Variants in ERICH6 observed in about 807,000 individuals in gnomAD.
ERICH6 encodes glutamate-rich protein 6.
In ERICH6, 71 loss-of-function variants were observed where a neutral mutation model predicts 71.0. The ratio of observed to expected loss-of-function variants is 1.00; its 90% CI spans 0.83 to 1.22. The LOEUF is 1.22. Among genes scored for constraint, ERICH6 ranks in the 50% most tolerant of loss-of-function variants. The pLI is 0.00. For synonymous variants in ERICH6, 262 were observed against 278.4 expected (o/e 0.94, Z 0.59); for missense variants, 808 against 797.2 (o/e 1.01, Z -0.16).
Position 150,682,243 on chromosome 3 carries a change from T to C in ERICH6, c.857A>G (p.Asp286Gly), listed in dbSNP as rs142979002. 9.4e-5 allele frequency: 152 copies of C among 1,613,928 alleles called. No homozygotes were observed. In the African/African-American group the frequency reaches 1.8e-3, roughly 20 times the overall value. ...ATGCCCTTTTGGTTCAGAGGAAACA[T>C]CCACATTAGAAAAAAATGCTCTTAG... ...SDLRAFFSNV[D>G]VSSEPKGHAS... is the part of the protein sequence containing the mutation. Residue 286 changes from aspartate (D) to glycine (G), a missense_variant, in exon 7 of 14, where the codon GAT (aspartate) becomes GGT (glycine). Physicochemically the swap from Asp to Gly is moderately conservative, Grantham distance 94. Around this residue, in one of 3 missense-constraint regions of ERICH6, gnomAD observed 736 missense variants for 712.2 expected, o/e 1.03. Transcript: ENST00000295910.
At chr3:150,695,023 G>A (rs1026444158) in intron 3 of ERICH6, among the ~76,000 whole-genome samples, 2 of 152,120 alleles carry the variant, frequency 1.3e-5, no homozygotes, top group Non-Finnish European at 2.9e-5. Flanking sequence ...TCTTTTACAA[G>A]GGCACTAATC....
chr3:150,699,956 G>A (rs1405614882), intron 2 of ERICH6, among the ~76,000 whole-genome samples: 3 of 152,186 alleles, frequency 2.0e-5, no homozygotes, highest in Admixed American at 1.3e-4. Context: ...TCTAGGAGGA[G>A]TTCTGAAGAA....
chr3:150,686,084 T>C, intron 4 of ERICH6, 63 bp from the exon 5 acceptor site: 2 of 1,385,358 alleles, frequency 1.4e-6, no homozygotes, highest in African/African-American at 1.4e-5. Context: ...ATTCCACTTC[T>C]GTAATTTGGA....
rs776930743 is a variant in ERICH6 at position 150,698,870 on chromosome 3, G to A, written c.474C>T (p.Arg158=). The A allele has an allele frequency of 5.6e-6, 9 of 1,613,568 alleles. No individual in the cohort carries two copies. The highest frequency in any genetic ancestry group is 5.5e-5 in the South Asian group (5 of 91,036). ...ATACTGGAATTCCTGGAGACAAATTGCGATGAATATTTCTGAAATTTCGAC... is the reference window on the plus strand; with the variant it reads ...ATACTGGAATTCCTGGAGACAAATTACGATGAATATTTCTGAAATTTCGAC... ...SEMSIDRNIH[R]NLSPGIPVSV... Residue 158 remains arginine (R), a synonymous_variant, in exon 3 of 14, where the codon CGC becomes CGT. Transcript: ENST00000295910.
At chr3:150,678,335 A>G in intron 10 of ERICH6, 74 bp downstream of exon 10, 1 of 1,429,662 alleles carries the variant, frequency 7.0e-7, no homozygotes, top group Non-Finnish European at 9.3e-7. Context: ...GCCAAGCTTC[A>G]TGAAAGACTT....
At chr3:150,673,114 CCTTCCTTCCTTCCTT>C (rs764421989) in intron 11 of ERICH6, among the ~76,000 whole-genome samples, 7 of 147,726 alleles carry the variant, frequency 4.7e-5, no homozygotes, top group Admixed American at 1.4e-4. Flanking sequence ...CTTCCTTTTT[CCTTCCTTCCTTCCTT>C]CTTCCTTCCT....
At chr3:150,700,756 G>C (rs1302864278) in intron 2 of ERICH6, among the ~76,000 whole-genome samples, 1 of 151,982 alleles carries the variant, frequency 6.6e-6, no homozygotes, top group African/African-American at 2.4e-5. Flanking sequence ...GCTAATTTTT[G>C]TATTTTTAGT....
intron 2 of ERICH6, among the ~76,000 whole-genome samples, chr3:150,701,237 G>C (rs1288340819): frequency 6.6e-6 from 1 of 152,138 alleles, no homozygotes; most frequent in Non-Finnish European, 1.5e-5. Context: ...TAAAATTGAT[G>C]AATCAAGAAG....
chr3:150,671,486 TAA>T (rs1483497842), intron 11 of ERICH6, among the ~76,000 whole-genome samples: 1 of 152,254 alleles, frequency 6.6e-6, no homozygotes, highest in Non-Finnish European at 1.5e-5. Flanking sequence ...ATTTTGGTAT[TAA>T]AAATTGTCCA....
intron 3 of ERICH6, among the ~76,000 whole-genome samples, chr3:150,697,922 C>T (rs1046608118): frequency 3.3e-5 from 5 of 152,198 alleles, no homozygotes; most frequent in Non-Finnish European, 5.9e-5. Context: ...CCACACTGGC[C>T]TCTTGTTCTA....
intron 3 of ERICH6, among the ~76,000 whole-genome samples, chr3:150,697,601 C>T (rs1377943038): frequency 6.6e-6 from 1 of 152,112 alleles, no homozygotes; most frequent in African/African-American, 2.4e-5. Context: ...TTGATCATTC[C>T]TGCCTCCTTG....
chr3:150,695,172 A>G (rs1406095770), intron 3 of ERICH6, among the ~76,000 whole-genome samples: 1 of 152,244 alleles, frequency 6.6e-6, no homozygotes, highest in East Asian at 1.9e-4. Flanking sequence ...ACTGCTAAGT[A>G]AAAACAATAG....
chr3:150,691,318 G>T (rs996803188), intron 3 of ERICH6, among the ~76,000 whole-genome samples: 1 of 152,098 alleles, frequency 6.6e-6, no homozygotes, highest in African/African-American at 2.4e-5. Flanking sequence ...AAATATATTT[G>T]TAGGAAAACA....
At chr3:150,701,991 T>A (rs1166108688) in intron 2 of ERICH6, 130 bp downstream of exon 2, 1 of 644,888 alleles carries the variant, frequency 1.6e-6, no homozygotes, top group African/African-American at 1.9e-5. Flanking sequence ...AGTGTATATT[T>A]AAAAAAAACT....
Position 150,673,967 on chromosome 3 carries a change from T to G in ERICH6, c.1332A>C (p.Thr444=). The change falls in exon 11 of 14, where the codon ACA becomes ACC. Residue 444 remains threonine, a synonymous_variant. Transcript: ENST00000295910. ...SKFLTSFPDG[T]TQIFYPSGNL... ...TTGAAAGAGGATACAATATTTGTGT[T>G]GTCCCATCTGGAAATGAAGTCAGAA... 1 of 1,613,994 alleles carries G rather than the reference T, an allele frequency of 6.2e-7. No individual in the cohort carries two copies.
At chr3:150,683,263 G>C (rs1185837823) in intron 6 of ERICH6, among the ~76,000 whole-genome samples, 1 of 152,222 alleles carries the variant, frequency 6.6e-6, no homozygotes, top group Admixed American at 6.5e-5. Flanking sequence ...GCTAAAAGCA[G>C]AATGCTTGGA....
rs773499208 is a variant in ERICH6, at chr3:150,680,787, T to C, written c.1026A>G (p.Glu342=). ...GSEVDRLKAK[E]KALQRKQEQR... ...CTCAATGTTACCTTTGCAGGGCTTT[T>C]TCTTTTGCCTTGAGTCTGTCGACCT... Residue 342 remains glutamate, a synonymous_variant, in exon 8 of 14, where the codon GAA becomes GAG. Transcript: ENST00000295910. The C allele has an allele frequency of 8.1e-6, 13 of 1,605,762 alleles. 1 individual carries two copies. The Admixed American group carries it at 2.1e-4, about 26-fold the overall frequency.
intron 13 of ERICH6, among the ~76,000 whole-genome samples, chr3:150,661,983 A>G (rs562344559): frequency 6.6e-6 from 1 of 152,342 alleles, no homozygotes; most frequent in South Asian, 2.1e-4. Context: ...TCAAAACTAC[A>G]TTAAAAAGGT....
At chr3:150,686,986 C>G (rs1230943143) in intron 3 of ERICH6, among the ~76,000 whole-genome samples, 1 of 152,284 alleles carries the variant, frequency 6.6e-6, no homozygotes, top group East Asian at 1.9e-4. Context: ...GCCTAGCCAA[C>G]ATGGCAAAAC....
Sources: allele counts gnomAD v4.1 joint callset (sites outside exome capture counted in the v4.1 genomes callset), GRCh38; gene constraint gnomAD v4.1.1; regional missense constraint gnomAD v4.1.1; transcripts MANE v1.5; gene names NCBI Gene and HGNC (gene_info 2026-07-23, HGNC 2026-07-21).